BRINP3: variants seen among roughly 807,000 people sequenced by gnomAD.
BRINP3 encodes the protein BMP/retinoic acid inducible neural specific 3, also known as BMP/retinoic acid-inducible neural-specific protein 3.
Under a neutral mutation model 71.0 loss-of-function variants are expected in BRINP3, and 19 were observed. The ratio of observed to expected loss-of-function variants is 0.27; its 90% confidence interval spans 0.19 to 0.39. BRINP3 has a LOEUF of 0.39. Among genes scored for constraint, BRINP3 ranks in the 10% least tolerant of loss-of-function variants. The pLI is 1.00. For synonymous variants in BRINP3, 380 were observed against 337.7 expected (o/e 1.13, Z -1.37); for missense variants, 959 against 940.8 (o/e 1.02, Z -0.25).
chr1:190,342,534 T>C (rs1459707567), intron 2 of BRINP3: 2 of 149,438 alleles, frequency 1.3e-5, no homozygotes. Context: ...TCATTTCAGG[T>C]AGGCACTTGC....
chr1:190,354,812 A>ATCCAT (rs1668626739), intron 2 of BRINP3, among the ~76,000 whole-genome samples: 1 of 145,190 alleles, frequency 6.9e-6, no homozygotes, highest in Non-Finnish European at 1.5e-5. Flanking sequence ...GCACCCTTTC[A>ATCCAT]TCCATTTTTG....
At chr1:190,433,787 A>T (rs1396590842) in intron 2 of BRINP3, among the ~76,000 whole-genome samples, 1 of 152,164 alleles carries the variant, frequency 6.6e-6, no homozygotes, top group Non-Finnish European at 1.5e-5. Flanking sequence ...TTTTGTTTAC[A>T]ATATAAAGGC....
chr1:190,418,793 C>G (rs1342606727), intron 2 of BRINP3, among the ~76,000 whole-genome samples: 1 of 152,010 alleles, frequency 6.6e-6, no homozygotes, highest in East Asian at 1.9e-4. Flanking sequence ...TGTGATCCTC[C>G]TCATACTCTG....
At chr1:190,437,691 ATTTG>A (rs981965415) in intron 2 of BRINP3, among the ~76,000 whole-genome samples, 1 of 151,748 alleles carries the variant, frequency 6.6e-6, no homozygotes, top group African/African-American at 2.4e-5. Context: ...CAATTTCATT[ATTTG>A]TTTAAGTAAT....
intron 3 of BRINP3, among the ~76,000 whole-genome samples, chr1:190,266,614 A>G (rs1008683746): frequency 6.6e-6 from 1 of 152,176 alleles, no homozygotes; most frequent in Non-Finnish European, 1.5e-5. Flanking sequence ...AAATAAACAA[A>G]CAAAAAATCC....
intron 2 of BRINP3, among the ~76,000 whole-genome samples, chr1:190,409,275 T>G (rs1388872297): frequency 6.6e-6 from 1 of 152,022 alleles, no homozygotes; most frequent in African/African-American, 2.4e-5. Context: ...ATCAAAAAAC[T>G]ATCTAATAGA....
chr1:190,409,040 T>C (rs528364579), intron 2 of BRINP3, among the ~76,000 whole-genome samples: 2 of 152,306 alleles, frequency 1.3e-5, no homozygotes, highest in South Asian at 4.1e-4. Flanking sequence ...TGATAATGCA[T>C]AGGACAGCCA....
intron 7 of BRINP3, among the ~76,000 whole-genome samples, chr1:190,159,634 T>C (rs922270726): frequency 2.6e-5 from 4 of 151,992 alleles, no homozygotes. Context: ...GGCAAATCTA[T>C]AGAGACAAAT....
At chr1:190,281,152 T>G (rs972211617) in intron 3 of BRINP3, among the ~76,000 whole-genome samples, 7 of 151,970 alleles carry the variant, frequency 4.6e-5, no homozygotes, top group African/African-American at 1.7e-4. Context: ...TCAGAAACAC[T>G]AAAATGGTGC....
At chr1:190,423,888 T>C (rs932589716) in intron 2 of BRINP3, among the ~76,000 whole-genome samples, 1 of 151,750 alleles carries the variant, frequency 6.6e-6, no homozygotes, top group East Asian at 1.9e-4. Flanking sequence ...TGTATCACTG[T>C]AATCCAATTT....
chr1:190,194,512 C>A (rs1430844954), intron 6 of BRINP3, among the ~76,000 whole-genome samples: 1 of 152,012 alleles, frequency 6.6e-6, no homozygotes, highest in African/African-American at 2.4e-5. Flanking sequence ...ATATTGAGAT[C>A]ACTGTTTGAT....
At chr1:190,339,136 G>T (rs1667487578) in intron 2 of BRINP3, among the ~76,000 whole-genome samples, 1 of 151,880 alleles carries the variant, frequency 6.6e-6, no homozygotes, top group Non-Finnish European at 1.5e-5. Flanking sequence ...AGGTTAATTT[G>T]CCTTACCCTC....
At chr1:190,385,209 CA>C (rs1252603842) in intron 2 of BRINP3, among the ~76,000 whole-genome samples, 3 of 152,046 alleles carry the variant, frequency 2.0e-5, no homozygotes, top group African/African-American at 2.4e-5. Flanking sequence ...GCAATGGCAA[CA>C]AAAGACAAAA....
At chr1:190,421,291 C>CCTTATT (rs775395944) in intron 2 of BRINP3, among the ~76,000 whole-genome samples, 1 of 132,068 alleles carries the variant, frequency 7.6e-6, no homozygotes, top group Non-Finnish European at 1.7e-5. Flanking sequence ...ACAAGATTCT[C>CCTTATT]ATTATTATTA....
intron 2 of BRINP3, among the ~76,000 whole-genome samples, chr1:190,417,580 AC>A (rs1304358625): frequency 1.8e-4 from 28 of 152,292 alleles, no homozygotes; most frequent in African/African-American, 6.5e-4. Context: ...GATATTTGAT[AC>A]CAACATACTT....
At chr1:190,368,686 A>G (rs1403443957) in intron 2 of BRINP3, among the ~76,000 whole-genome samples, 2 of 152,184 alleles carry the variant, frequency 1.3e-5, no homozygotes, top group African/African-American at 4.8e-5. Flanking sequence ...GTGATTTATC[A>G]GGAGACAAGA....
intron 6 of BRINP3, among the ~76,000 whole-genome samples, chr1:190,218,684 C>T (rs567579987): frequency 8.6e-5 from 13 of 151,902 alleles, no homozygotes; most frequent in African/African-American, 1.5e-4. Flanking sequence ...CCTATTTTTC[C>T]GGTCTAACTG....
chr1:190,140,931 G>A (rs966287241), intron 7 of BRINP3, among the ~76,000 whole-genome samples: 1 of 152,138 alleles, frequency 6.6e-6, no homozygotes, highest in Non-Finnish European at 1.5e-5. Context: ...CTATTCACAA[G>A]AGCGGGAAAA....
intron 2 of BRINP3, among the ~76,000 whole-genome samples, chr1:190,380,973 T>C (rs1670510926): frequency 6.6e-6 from 1 of 152,108 alleles, no homozygotes; most frequent in African/African-American, 2.4e-5. Context: ...AGTCCAGTTA[T>C]GCATATTTTT....
Sources: gnomAD v4.1 joint callset for allele counts (sites outside exome capture counted in the v4.1 genomes callset) on GRCh38, gnomAD v4.1.1 for gene constraint, MANE v1.5 for transcripts, NCBI Gene and HGNC (gene_info 2026-07-23, HGNC 2026-07-21) for gene names.